ASTN2: variants seen among roughly 807,000 people sequenced by gnomAD.
ASTN2 encodes the protein astrotactin 2, also known as astrotactin-2.
In ASTN2, 54 loss-of-function variants were observed where a neutral mutation model predicts 139.8. The observed-to-expected ratio is 0.39, with a 90% CI of 0.31 to 0.48. The LOEUF is 0.48. Among genes scored for constraint, ASTN2 ranks in the 20% least tolerant of loss-of-function variants. The probability of loss-of-function intolerance (pLI) is 0.95; values close to 1 mark genes in which losing one functional copy is unlikely to be tolerated. For synonymous variants in ASTN2, 756 were observed against 719.5 expected (o/e 1.05, Z -0.81); for missense variants, 1,565 against 1,725.1 (o/e 0.91, Z 1.64).
chr9:117,361,588 C>T (rs1457247876), intron 1 of ASTN2, among the ~76,000 whole-genome samples: 1 of 152,154 alleles, frequency 6.6e-6, no homozygotes, highest in Non-Finnish European at 1.5e-5. Context: ...AGAATGAGGG[C>T]TCTGCAGAAA....
chr9:116,820,522 G>T (rs917974942), intron 12 of ASTN2, 95 bp downstream of exon 12: 8 of 1,426,198 alleles, frequency 5.6e-6, no homozygotes, highest in African/African-American at 2.9e-5. Flanking sequence ...TGAAGGTCAA[G>T]GTTCAGCCTT....
intron 10 of ASTN2, among the ~76,000 whole-genome samples, chr9:116,944,842 T>C (rs1039950172): frequency 1.3e-5 from 2 of 152,040 alleles, no homozygotes; most frequent in African/African-American, 4.8e-5. Flanking sequence ...CTGGATTACA[T>C]CAGATTGAGG....
intron 5 of ASTN2, among the ~76,000 whole-genome samples, chr9:117,050,511 C>G (rs747922496): frequency 1.3e-5 from 2 of 152,094 alleles, no homozygotes; most frequent in Non-Finnish European, 2.9e-5. Flanking sequence ...ACCTACAGAA[C>G]TTCCTTTATC....
At chr9:116,428,930 G>A (rs1367018892) in intron 22 of ASTN2, among the ~76,000 whole-genome samples, 1 of 152,168 alleles carries the variant, frequency 6.6e-6, no homozygotes. Context: ...GAGAGTAAGT[G>A]GGAGAGTTAT....
chr9:117,358,473 A>G (rs562433645), intron 1 of ASTN2, among the ~76,000 whole-genome samples: 23 of 152,264 alleles, frequency 1.5e-4, no homozygotes, highest in Admixed American at 3.9e-4. Flanking sequence ...TGATAGCACA[A>G]TGAGAAATCC....
intron 16 of ASTN2, among the ~76,000 whole-genome samples, chr9:116,658,237 C>A (rs1476667807): frequency 2.0e-5 from 3 of 152,124 alleles, no homozygotes; most frequent in Admixed American, 2.0e-4. Context: ...ACTTGGAGAA[C>A]TTGGATATAT....
intron 2 of ASTN2, among the ~76,000 whole-genome samples, chr9:117,284,773 G>A (rs117402833): frequency 0.017 from 2,638 of 152,266 alleles, 38 homozygotes; most frequent in Middle Eastern, 0.044. Context: ...TATCATCTCT[G>A]ATGATTCTCA....
chr9:116,441,544 T>A (rs1193140788), intron 21 of ASTN2, among the ~76,000 whole-genome samples: 1 of 152,132 alleles, frequency 6.6e-6, no homozygotes, highest in Non-Finnish European at 1.5e-5. Flanking sequence ...CGTGTTATTT[T>A]AAAATAATAT....
At chr9:117,205,034 A>G (rs1030471612) in intron 3 of ASTN2, among the ~76,000 whole-genome samples, 1 of 152,186 alleles carries the variant, frequency 6.6e-6, no homozygotes, top group African/African-American at 2.4e-5. Context: ...TGCAGGATAC[A>G]GAGAAATAAA....
At chr9:116,500,840 T>C (rs1564321734) in intron 19 of ASTN2, among the ~76,000 whole-genome samples, 1 of 152,180 alleles carries the variant, frequency 6.6e-6, no homozygotes, top group Non-Finnish European at 1.5e-5. Flanking sequence ...AGCTTTGCTA[T>C]TATCACTGTT....
chr9:117,154,213 T>C (rs139076707), intron 3 of ASTN2, among the ~76,000 whole-genome samples: 183 of 152,192 alleles, frequency 1.2e-3, no homozygotes, highest in African/African-American at 4.3e-3. Flanking sequence ...TGGCTAAATA[T>C]ATAGACAATA....
intron 10 of ASTN2, among the ~76,000 whole-genome samples, chr9:116,939,676 T>G (rs1835173034): frequency 6.6e-6 from 1 of 152,130 alleles, no homozygotes; most frequent in South Asian, 2.1e-4. Context: ...AAAAACCTAC[T>G]ATGTACAGGC....
intron 19 of ASTN2, among the ~76,000 whole-genome samples, chr9:116,596,871 A>C (rs1182244734): frequency 6.6e-6 from 1 of 152,136 alleles, no homozygotes; most frequent in African/African-American, 2.4e-5. Flanking sequence ...TAAGGGAATC[A>C]CTAGAGGAAA....
At chr9:116,496,128 C>A (rs1849662235) in intron 19 of ASTN2, among the ~76,000 whole-genome samples, 2 of 152,182 alleles carry the variant, frequency 1.3e-5, no homozygotes, top group Non-Finnish European at 2.9e-5. Context: ...ACCCTTTACC[C>A]TCTTAACCCA....
chr9:116,658,533 G>C lies in ASTN2; in HGVS notation c.2807-6740C>G, dbSNP rs566881094. Among the ~76,000 whole-genome samples, 138 of 152,232 alleles carry C rather than the reference G, an allele frequency of 9.1e-4. 1 individual carries two copies. Among genetic ancestry groups the C allele is most frequent in the South Asian group, 1.7e-3 (8 of 4,816 alleles). On this transcript the variant is annotated intron_variant, in intron 16 of 22. Transcript: ENST00000313400. ...GCCAGAGAAACAGTAGGTAGGAAGG[G>C]ATCACTGAAGCCAGACAAAGAGAAA...
intron 11 of ASTN2, among the ~76,000 whole-genome samples, chr9:116,860,031 C>T (rs1291729116): frequency 6.6e-6 from 1 of 152,146 alleles, no homozygotes; most frequent in Non-Finnish European, 1.5e-5. Flanking sequence ...GTACTACACA[C>T]CTGTGAGTCA....
chr9:116,945,128 G>T (rs1054019033), intron 10 of ASTN2, among the ~76,000 whole-genome samples: 1 of 152,138 alleles, frequency 6.6e-6, no homozygotes, highest in African/African-American at 2.4e-5. Flanking sequence ...GCCAGATGTG[G>T]CAAAGTTCAA....
At chr9:116,690,467 T>A (rs1414794461) in intron 16 of ASTN2, among the ~76,000 whole-genome samples, 1 of 152,184 alleles carries the variant, frequency 6.6e-6, no homozygotes, top group South Asian at 2.1e-4. Flanking sequence ...GTCTGGAGAA[T>A]AGTTGGAAGC....
intron 1 of ASTN2, among the ~76,000 whole-genome samples, chr9:117,407,951 CT>C (rs938955746): frequency 6.6e-6 from 1 of 152,122 alleles, no homozygotes; most frequent in African/African-American, 2.4e-5. Context: ...AAACCCGACT[CT>C]TTTTTTCCTT....
Sources: allele counts gnomAD v4.1 joint callset (sites outside exome capture counted in the v4.1 genomes callset), GRCh38; gene constraint gnomAD v4.1.1; transcripts MANE v1.5; gene names NCBI Gene and HGNC (gene_info 2026-07-23, HGNC 2026-07-21).